Variants in ADAM7 observed in about 807,000 individuals in gnomAD.
The protein encoded by ADAM7 is ADAM metallopeptidase domain 7, also known as disintegrin and metalloproteinase domain-containing protein 7.
In ADAM7, 97 loss-of-function variants were observed where a neutral mutation model predicts 102.9. That is an observed-to-expected ratio of 0.94 (90% CI 0.80 to 1.12). The LOEUF is 1.12. ADAM7 is among the 50% of genes most tolerant of loss of function. The pLI, the probability that ADAM7 is intolerant of heterozygous loss-of-function variation, is 0.00. For synonymous variants in ADAM7, 334 were observed against 304.4 expected (o/e 1.10, Z -1.01); for missense variants, 991 against 908.7 (o/e 1.09, Z -1.16).
intron 7 of ADAM7, among the ~76,000 whole-genome samples, chr8:24,472,049 G>T (rs1208541172): frequency 7.2e-6 from 1 of 138,184 alleles, no homozygotes; most frequent in African/African-American, 2.7e-5. Context: ...ATAAATTGGG[G>T]AATTAATCAG....
chr8:24,464,676 C>G (rs546879346), intron 4 of ADAM7, among the ~76,000 whole-genome samples: 29 of 152,370 alleles, frequency 1.9e-4, no homozygotes, highest in African/African-American at 6.3e-4. Flanking sequence ...TCTCAGCTCA[C>G]TGCAACCTCC....
chr8:24,466,547 C>T (rs1263248494), intron 5 of ADAM7, among the ~76,000 whole-genome samples: 1 of 152,144 alleles, frequency 6.6e-6, no homozygotes, highest in Non-Finnish European at 1.5e-5. Context: ...GTGGGACTTG[C>T]TACACTACCT....
chr8:24,501,019 T>G, intron 19 of ADAM7, 124 bp downstream of exon 19: 1 of 730,182 alleles, frequency 1.4e-6, no homozygotes, highest in Non-Finnish European at 2.2e-6. Flanking sequence ...CAGGTAAGAA[T>G]AGTAGTAACT....
intron 10 of ADAM7, 111 bp from the exon 11 acceptor site, chr8:24,487,076 T>C (rs765861728): frequency 3.5e-4 from 398 of 1,130,454 alleles, no homozygotes; most frequent in Non-Finnish European, 4.6e-4. Flanking sequence ...TTTAAATAGA[T>C]ACCAGTTAAC....
chr8:24,489,277 T>A lies in ADAM7; in HGVS notation c.1210T>A (p.Phe404Ile). 6.2e-7 allele frequency: 1 copy of A among 1,613,600 alleles called. No homozygotes were observed. Among genetic ancestry groups the A allele is most frequent in the Non-Finnish European group, 8.5e-7 (1 of 1,179,700 alleles). The change falls in exon 12 of 22, where the codon TTT (phenylalanine) becomes ATT (isoleucine). Residue 404 changes from phenylalanine (F) to isoleucine (I), a missense_variant. Phe to Ile is a conservative substitution (Grantham distance 21). Transcript: ENST00000175238. The part of the protein sequence containing the change: ...PFPYNFHDFQ[F>I]CGNKKLDEGE... Reference sequence around the variant, plus strand: ...TCCTTACAATTTTCATGATTTCCAATTTTGTGGAAACAAGAAGTTGGATGA... The same window carrying A: ...TCCTTACAATTTTCATGATTTCCAAATTTGTGGAAACAAGAAGTTGGATGA...
chr8:24,500,776 T>A lies in ADAM7; in HGVS notation c.2003-14T>A. ...TGATACCCTCGATGAAGCCCATGTT[T>A]CTTCATGTTGCAGATATCACCATCT... On this transcript the variant is annotated splice_polypyrimidine_tract_variant and intron_variant, in intron 18 of 21. Coordinates refer to ENST00000175238, the MANE Select transcript of ADAM7 (RefSeq NM_003817.4). The A allele has an allele frequency of 2.5e-6, 4 of 1,603,638 alleles. No homozygotes were observed. Among genetic ancestry groups the A allele is most frequent in the Non-Finnish European group, 3.4e-6 (4 of 1,171,184 alleles).
chr8:24,461,399 G>A (rs1422867912), intron 3 of ADAM7, among the ~76,000 whole-genome samples: 1 of 152,108 alleles, frequency 6.6e-6, no homozygotes, highest in Non-Finnish European at 1.5e-5. Context: ...CTGTTCCCCA[G>A]TATGTGTCGT....
rs1373173713 is a variant in ADAM7, at chr8:24,456,226, T to C, written c.234-7656T>C. Among the ~76,000 whole-genome samples, 3 of 152,224 alleles carry C rather than the reference T, an allele frequency of 2.0e-5. No individual in the cohort carries two copies. In the East Asian group the frequency reaches 5.8e-4, roughly 29 times the overall value. On this transcript the variant is annotated intron_variant, in intron 3 of 21. Coordinates refer to ENST00000175238, the MANE Select transcript of ADAM7 (RefSeq NM_003817.4). ...CACATATAAATGAGATTATGCAGTA[T>C]TTGTCTTCCTGTGCCTGGCTTTTTT... is the stretch of plus-strand genomic sequence containing the variant.
chr8:24,504,033 T>C, intron 20 of ADAM7, among the ~76,000 whole-genome samples: 1 of 77,616 alleles, frequency 1.3e-5, no homozygotes, highest in Admixed American at 1.7e-4. Flanking sequence ...AAAAATAAAA[T>C]AAAATAAAAT....
intron 3 of ADAM7, among the ~76,000 whole-genome samples, chr8:24,451,575 T>A (rs1818791211): frequency 6.6e-6 from 1 of 152,162 alleles, no homozygotes; most frequent in African/African-American, 2.4e-5. Context: ...GGTCTAACAA[T>A]TTTGTTGATC....
intron 8 of ADAM7, among the ~76,000 whole-genome samples, chr8:24,479,852 C>A (rs965365045): frequency 2.6e-5 from 4 of 152,186 alleles, no homozygotes; most frequent in African/African-American, 9.7e-5. Flanking sequence ...GGTTCAGGCA[C>A]ACTTGTTGGC....
chr8:24,487,542 G>A (rs1228572866), intron 11 of ADAM7, among the ~76,000 whole-genome samples: 1 of 151,874 alleles, frequency 6.6e-6, no homozygotes, highest in African/African-American at 2.4e-5. Flanking sequence ...CTACTTGGGA[G>A]GAGAATTGCT....
rs775393435 is a variant in ADAM7, at chr8:24,492,566, A to G, written c.1624A>G (p.Lys542Glu). Residue 542 changes from lysine (K) to glutamate (E), a missense_variant, in exon 15 of 22, where the codon AAG becomes GAG. Coordinates refer to ENST00000175238, the MANE Select transcript of ADAM7 (RefSeq NM_003817.4). Reference sequence around the variant, plus strand: ...AAATAAATTTGGATACTGCAAAAACAAGGAAAACAGATTTCTTCCCTGTGA... The same window carrying G: ...AAATAAATTTGGATACTGCAAAAACGAGGAAAACAGATTTCTTCCCTGTGA... ...KGNKFGYCKN[K>E]ENRFLPCEEK... is the part of the protein sequence containing the mutation. 1.2e-6 allele frequency: 2 copies of G among 1,613,150 alleles called. No individual in the cohort carries two copies. The highest frequency in any genetic ancestry group is 3.3e-5 in the Admixed American group (2 of 59,970).
intron 3 of ADAM7, among the ~76,000 whole-genome samples, chr8:24,463,408 C>A (rs953274348): frequency 6.6e-6 from 1 of 152,040 alleles, no homozygotes; most frequent in African/African-American, 2.4e-5. Context: ...AGAGATTGGG[C>A]TCAATTCCAA....
intron 3 of ADAM7, among the ~76,000 whole-genome samples, chr8:24,460,710 T>A (rs573110334): frequency 7.4e-4 from 111 of 150,914 alleles, no homozygotes; most frequent in South Asian, 6.3e-4. Context: ...GCCATATATA[T>A]ATACATATAC....
chr8:24,503,026 T>A (rs1200194707), intron 20 of ADAM7, among the ~76,000 whole-genome samples: 1 of 152,060 alleles, frequency 6.6e-6, no homozygotes, highest in Non-Finnish European at 1.5e-5. Flanking sequence ...TGATCATATA[T>A]AGAGGATAAT....
chr8:24,458,685 A>G (rs1335211931), intron 3 of ADAM7, among the ~76,000 whole-genome samples: 1 of 152,006 alleles, frequency 6.6e-6, no homozygotes, highest in African/African-American at 2.4e-5. Context: ...CCTTCATTAC[A>G]ATTTTACTGG....
chr8:24,501,735 A>G (rs76793419), intron 20 of ADAM7, among the ~76,000 whole-genome samples, 159 bp downstream of exon 20: 2,061 of 152,214 alleles, frequency 0.014, 42 homozygotes, highest in African/African-American at 0.046. Flanking sequence ...ATCTACATGT[A>G]GGGAAAGGAA....
chr8:24,458,219 C>T (rs1460744935), intron 3 of ADAM7, among the ~76,000 whole-genome samples: 1 of 152,010 alleles, frequency 6.6e-6, no homozygotes, highest in African/African-American at 2.4e-5. Flanking sequence ...ATTAAAAGGC[C>T]CGCTGCAATT....
Sources: allele counts gnomAD v4.1 joint callset (sites outside exome capture counted in the v4.1 genomes callset), GRCh38; gene constraint gnomAD v4.1.1; transcripts MANE v1.5; gene names NCBI Gene and HGNC (gene_info 2026-07-23, HGNC 2026-07-21).